Variants in WDSUB1 observed in about 807,000 individuals in gnomAD.
WDSUB1 encodes the protein WD repeat, sterile alpha motif and U-box domain containing 1.
WDSUB1 carries 49 observed loss-of-function variants against 53.9 expected under a neutral mutation model. That is an observed-to-expected ratio of 0.91 (90% confidence interval 0.72 to 1.15). The LOEUF (loss-of-function observed/expected upper bound fraction) is 1.15, where lower values mean the gene tolerates loss of function less well. Ranked by LOEUF, WDSUB1 falls within the 50% of genes most tolerant of loss-of-function variation. The pLI is 0.00. For synonymous variants in WDSUB1, 194 were observed against 200.6 expected (o/e 0.97, Z 0.28); for missense variants, 514 against 562.0 (o/e 0.91, Z 0.86).
chr2:159,269,987 A>C (rs1422559155), intron 5 of WDSUB1, among the ~76,000 whole-genome samples: 2 of 152,226 alleles, frequency 1.3e-5, no homozygotes, highest in East Asian at 3.8e-4. Context: ...TGGTAGTATC[A>C]ACAGTTCAGT....
intron 10 of WDSUB1, among the ~76,000 whole-genome samples, chr2:159,247,143 A>G (rs935447760): frequency 2.6e-5 from 4 of 152,250 alleles, no homozygotes; most frequent in Admixed American, 1.3e-4. Flanking sequence ...AGCCACTGCT[A>G]TACTCATAGC....
At chr2:159,253,876 T>G (rs2061004230) in intron 9 of WDSUB1, among the ~76,000 whole-genome samples, 1 of 152,222 alleles carries the variant, frequency 6.6e-6, no homozygotes, top group Admixed American at 6.5e-5. Context: ...AAGATTAAAG[T>G]TAGCCACTTG....
At chr2:159,265,808 T>G (rs1023660121) in intron 5 of WDSUB1, among the ~76,000 whole-genome samples, 1 of 152,110 alleles carries the variant, frequency 6.6e-6, no homozygotes, top group African/African-American at 2.4e-5. Flanking sequence ...AAAGACAAAT[T>G]CTGCTAAGGG....
intron 4 of WDSUB1, among the ~76,000 whole-genome samples, chr2:159,273,089 A>G (rs2061474326): frequency 6.6e-6 from 1 of 152,212 alleles, no homozygotes; most frequent in Non-Finnish European, 1.5e-5. Context: ...TCATCAGAGT[A>G]AGTAAAAGTT....
intron 3 of WDSUB1, among the ~76,000 whole-genome samples, chr2:159,278,119 G>C (rs1366208620): frequency 1.3e-5 from 2 of 152,090 alleles, no homozygotes; most frequent in African/African-American, 4.8e-5. Context: ...AAGGAACCTA[G>C]ATCTCTCCAC....
At chr2:159,280,686 G>A (rs1240243886) in intron 2 of WDSUB1, among the ~76,000 whole-genome samples, 9 of 6,564 alleles carry the variant, frequency 1.4e-3, no homozygotes, top group South Asian at 9.3e-3. Flanking sequence ...GCGAGACTCC[G>A]TCTCAAAAAA....
intron 5 of WDSUB1, among the ~76,000 whole-genome samples, chr2:159,268,132 C>T (rs2061380012): frequency 6.6e-6 from 1 of 152,224 alleles, no homozygotes; most frequent in South Asian, 2.1e-4. Flanking sequence ...AACACTTCCT[C>T]CATGACTCAG....
At chr2:159,261,888 ATATATATATTTTTTTTTTTTTTTTTTTT>A (rs2061227161) in intron 5 of WDSUB1, among the ~76,000 whole-genome samples, 8 of 14,268 alleles carry the variant, frequency 5.6e-4, no homozygotes, top group South Asian at 4.0e-3. Flanking sequence ...ATATATATAT[ATATATATATTTTTTTTTTTTTTTTTTTT>A]TTTTTTTTTT....
chr2:159,235,933 C>G lies in WDSUB1; in HGVS notation c.*100G>C. 8.6e-7 allele frequency: 1 copy of G among 1,168,192 alleles called. No individual in the cohort carries two copies. Among genetic ancestry groups the G allele is most frequent in the Non-Finnish European group, 1.1e-6 (1 of 892,896 alleles). 72.4% of individuals were successfully genotyped at this position (1,168,192 alleles called of 1,614,324 possible). ...TAGGTAACTAAATTTAAGAAGTTTA[C>G]CTTTTTCCTGTTTTGCTTTTAATAA... On this transcript the variant is annotated 3_prime_UTR_variant, in exon 11 of 11. Coordinates refer to ENST00000359774, the MANE Select transcript of WDSUB1 (RefSeq NM_001128212.3).
At chr2:159,281,622 T>C (rs925678870) in intron 2 of WDSUB1, among the ~76,000 whole-genome samples, 1 of 152,202 alleles carries the variant, frequency 6.6e-6, no homozygotes, top group African/African-American at 2.4e-5. Context: ...CCAGCAAGAA[T>C]TGCAGTCACA....
At chr2:159,285,919 T>G (rs1018919237) in intron 1 of WDSUB1, among the ~76,000 whole-genome samples, 2 of 152,156 alleles carry the variant, frequency 1.3e-5, no homozygotes, top group African/African-American at 4.8e-5. Context: ...ATCCCAGCTG[T>G]GCAAGTGCGC....
At chr2:159,264,953 G>C (rs11682420) in intron 5 of WDSUB1, among the ~76,000 whole-genome samples, 1 of 151,658 alleles carries the variant, frequency 6.6e-6, no homozygotes, top group Admixed American at 6.6e-5. Context: ...GCATGGTCGC[G>C]GGCACCTGTA....
intron 5 of WDSUB1, among the ~76,000 whole-genome samples, chr2:159,262,364 C>T (rs2061245301): frequency 6.6e-6 from 1 of 152,046 alleles, no homozygotes; most frequent in African/African-American, 2.4e-5. Context: ...ACAAAGCACC[C>T]TGAGTGTCTG....
chr2:159,270,357 T>C (rs1228215250), intron 5 of WDSUB1, among the ~76,000 whole-genome samples: 1 of 152,106 alleles, frequency 6.6e-6, no homozygotes, highest in Non-Finnish European at 1.5e-5. Flanking sequence ...CCCAAACAGG[T>C]TTGTGTGTGT....
At chr2:159,280,529 A>C (rs1233034784) in intron 2 of WDSUB1, among the ~76,000 whole-genome samples, 3 of 149,722 alleles carry the variant, frequency 2.0e-5, no homozygotes, top group Non-Finnish European at 3.0e-5. Flanking sequence ...GTCTCTACTA[A>C]AAATACAAAA....
chr2:159,282,735 A>G lies in WDSUB1; in HGVS notation c.335T>C (p.Leu112Ser). ...VCQFSPDSTC[L>S]ASGAADGTVV... ...AGTTCCATCAGCTGCCCCTGATGCCAAACACGTGGAGTCTGGGGAAAACTG... is the reference window on the plus strand; with the variant it reads ...AGTTCCATCAGCTGCCCCTGATGCCGAACACGTGGAGTCTGGGGAAAACTG... Residue 112 changes from leucine to serine, a missense_variant, in exon 2 of 11, where the codon TTG (leucine) becomes TCG (serine). By Grantham distance (145) the Leu-to-Ser change is moderately radical. Coordinates refer to ENST00000359774, the MANE Select transcript of WDSUB1 (RefSeq NM_001128212.3). 1 of 1,614,128 alleles carries G rather than the reference A, an allele frequency of 6.2e-7. No individual in the cohort carries two copies. The highest frequency in any genetic ancestry group is 8.5e-7 in the Non-Finnish European group (1 of 1,180,012).
At chr2:159,261,888 ATATATATATTTTTTTTTTTTTTTTTTT>A (rs1400596097) in intron 5 of WDSUB1, among the ~76,000 whole-genome samples, 17 of 14,234 alleles carry the variant, frequency 1.2e-3, no homozygotes, top group Non-Finnish European at 1.3e-3. Context: ...ATATATATAT[ATATATATATTTTTTTTTTTTTTTTTTT>A]TTTTTTTTTT....
intron 3 of WDSUB1, 47 bp from the exon 4 acceptor site, chr2:159,275,685 A>ACCC: frequency 1.5e-6 from 2 of 1,329,468 alleles, no homozygotes; most frequent in Non-Finnish European, 1.0e-6. Flanking sequence ...AAACACTGAA[A>ACCC]CCCCCCCAAA....
intron 10 of WDSUB1, among the ~76,000 whole-genome samples, chr2:159,246,289 G>A (rs924681085): frequency 5.3e-5 from 8 of 151,962 alleles, no homozygotes; most frequent in Non-Finnish European, 1.0e-4. Context: ...AAAATTAGCC[G>A]GGCGTGGTGG....
Sources: allele counts gnomAD v4.1 joint callset (sites outside exome capture counted in the v4.1 genomes callset), GRCh38; gene constraint gnomAD v4.1.1; transcripts MANE v1.5; gene names NCBI Gene and HGNC (gene_info 2026-07-23, HGNC 2026-07-21).